Variants in TMEM131L observed in about 807,000 individuals in gnomAD.
The protein encoded by TMEM131L is transmembrane protein 131-like.
TMEM131L carries 54 observed loss-of-function variants against 192.2 expected under a neutral mutation model. The ratio of observed to expected loss-of-function variants is 0.28; its 90% CI spans 0.23 to 0.35. TMEM131L has a LOEUF of 0.35. TMEM131L is among the 10% of genes least tolerant of loss of function. The pLI, the probability that TMEM131L is intolerant of heterozygous loss-of-function variation, is 1.00. For missense variants in TMEM131L, 1,888 were observed against 1,972.9 expected (o/e 0.96, Z 0.82); for synonymous variants, 701 against 704.9 (o/e 0.99, Z 0.09).
At chr4:153,513,598 T>G (rs888740856) in intron 3 of TMEM131L, among the ~76,000 whole-genome samples, 2 of 152,220 alleles carry the variant, frequency 1.3e-5, no homozygotes, top group Non-Finnish European at 2.9e-5. Flanking sequence ...ACTAATAAAA[T>G]TGCTCTCCAT....
intron 3 of TMEM131L, among the ~76,000 whole-genome samples, chr4:153,487,367 G>A (rs559271482): frequency 2.6e-4 from 40 of 152,002 alleles, no homozygotes; most frequent in Admixed American, 1.1e-3. Context: ...CTGGTGGATC[G>A]AGTGTGTCCG....
At chr4:153,489,538 T>C (rs62324704) in intron 3 of TMEM131L, among the ~76,000 whole-genome samples, 18,027 of 152,184 alleles carry the variant, frequency 0.12, 1,457 homozygotes, top group East Asian at 0.24. Flanking sequence ...AGTGCGGTGG[T>C]ACGATCTCAG....
chr4:153,547,241 G>C (rs1436436365), intron 3 of TMEM131L, among the ~76,000 whole-genome samples: 1 of 152,150 alleles, frequency 6.6e-6, no homozygotes, highest in Non-Finnish European at 1.5e-5. Flanking sequence ...TATTACTCTA[G>C]GTTTGGCCCT....
chr4:153,624,704 G>T (rs1733705798), intron 29 of TMEM131L, among the ~76,000 whole-genome samples: 1 of 152,154 alleles, frequency 6.6e-6, no homozygotes, highest in African/African-American at 2.4e-5. Flanking sequence ...CAGTAGCTGA[G>T]TCTTGAACCC....
intron 7 of TMEM131L, among the ~76,000 whole-genome samples, chr4:153,567,691 C>T (rs751553360): frequency 2.0e-5 from 3 of 151,994 alleles, no homozygotes; most frequent in Non-Finnish European, 1.5e-5. Flanking sequence ...ATTACAGGCA[C>T]GCACCACCAC....
At position 153,473,979 on chromosome 4, in the gene TMEM131L, T is replaced by C. The variant is rs568198754; in HGVS notation, c.239+91T>C. 115 of 804,404 alleles carry C rather than the reference T, an allele frequency of 1.4e-4. 1 individual carries two copies. In the South Asian group the frequency reaches 1.8e-3, roughly 13 times the overall value. The allele number at this position is 804,404 out of a possible 1,614,324, so 49.8% of individuals were successfully genotyped here. A position where few individuals can be genotyped will look rare whatever the true frequency, so the allele number is the denominator to read the frequency against. The stretch of plus-strand genomic sequence containing the variant: ...AAGTCTCAGTATATGTCCATGTTTA[T>C]GTATTTAGTAGTATCTGTAATACAC... On this transcript the variant is annotated intron_variant, in intron 3 of 34. Transcript: ENST00000409959.
chr4:153,540,815 A>G (rs568529468), intron 3 of TMEM131L, among the ~76,000 whole-genome samples: 4 of 152,332 alleles, frequency 2.6e-5, no homozygotes, highest in Admixed American at 1.3e-4. Flanking sequence ...ACGGTAATGC[A>G]TGAGCTTGCA....
At chr4:153,562,041 ATT>A (rs754792062) in intron 7 of TMEM131L, among the ~76,000 whole-genome samples, 3 of 145,336 alleles carry the variant, frequency 2.1e-5, no homozygotes, top group African/African-American at 2.5e-5. Context: ...TAAATTTTAA[ATT>A]TTTTTTTTTT....
At chr4:153,623,410 C>T (rs529703248) in intron 29 of TMEM131L, among the ~76,000 whole-genome samples, 14 of 152,208 alleles carry the variant, frequency 9.2e-5, no homozygotes, top group Non-Finnish European at 1.8e-4. Context: ...TTCTATGGCA[C>T]TAAGTGCATC....
chr4:153,571,037 C>A (rs1263257619), intron 7 of TMEM131L, among the ~76,000 whole-genome samples: 1 of 151,506 alleles, frequency 6.6e-6, no homozygotes, highest in Non-Finnish European at 1.5e-5. Flanking sequence ...TTTTTTTTAA[C>A]TTTTTGGTCT....
chr4:153,486,964 A>G (rs1290616470), intron 3 of TMEM131L, among the ~76,000 whole-genome samples: 1 of 152,222 alleles, frequency 6.6e-6, no homozygotes, highest in Non-Finnish European at 1.5e-5. Flanking sequence ...GGTCTAGGGC[A>G]GTGTTTCTCG....
chr4:153,541,664 AG>A (rs1335814394), intron 3 of TMEM131L, among the ~76,000 whole-genome samples: 1 of 152,256 alleles, frequency 6.6e-6, no homozygotes, highest in Non-Finnish European at 1.5e-5. Context: ...GAAATGAATC[AG>A]TCAAACCACA....
At chr4:153,589,206 T>C (rs1730905364) in intron 16 of TMEM131L, among the ~76,000 whole-genome samples, 199 bp downstream of exon 16, 1 of 152,212 alleles carries the variant, frequency 6.6e-6, no homozygotes, top group Non-Finnish European at 1.5e-5. Context: ...TCATTCTTAC[T>C]GTAAATCTTA....
intron 3 of TMEM131L, among the ~76,000 whole-genome samples, chr4:153,543,093 T>G (rs1736916173): frequency 6.6e-6 from 1 of 152,208 alleles, no homozygotes; most frequent in Admixed American, 6.5e-5. Context: ...TTCCTCTCTT[T>G]TGGTTTAATA....
intron 17 of TMEM131L, among the ~76,000 whole-genome samples, chr4:153,591,596 T>C (rs1731071106): frequency 6.6e-6 from 1 of 152,138 alleles, no homozygotes; most frequent in Non-Finnish European, 1.5e-5. Context: ...TCGGTGCTTG[T>C]CTGTGCCTCT....
In TMEM131L at chr4:153,622,373, A is replaced by G. The variant is rs568502014; in HGVS notation, c.3859+524A>G. ...GTTGCAACCCTCCCAACCAACACCC[A>G]CTTTCTCCAGACGCATGCCCCATGT... On this transcript the variant is annotated intron_variant, in intron 28 of 34. Coordinates refer to ENST00000409959, the MANE Select transcript of TMEM131L (RefSeq NM_001131007.2). Among the ~76,000 whole-genome samples, 6 of 152,272 alleles carry G rather than the reference A, an allele frequency of 3.9e-5. No individual in the cohort carries two copies. In the East Asian group the frequency reaches 1.2e-3, roughly 29 times the overall value.
intron 25 of TMEM131L, 118 bp downstream of exon 25, chr4:153,604,548 T>C: frequency 1.9e-6 from 2 of 1,040,318 alleles, no homozygotes; most frequent in Middle Eastern, 4.2e-4. Context: ...TTAGCAAAGG[T>C]TTAAATATTG....
At position 153,583,209 on chromosome 4, in the gene TMEM131L, G is replaced by T; in HGVS notation, c.912G>T (p.Met304Ile). The T allele has an allele frequency of 6.9e-7, 1 of 1,454,124 alleles. No individual in the cohort carries two copies. The highest frequency in any genetic ancestry group is 9.7e-7 in the Non-Finnish European group (1 of 1,034,590). The allele number at this position is 1,454,124 out of a possible 1,614,324, so 90.1% of individuals were successfully genotyped here. Residue 304 changes from methionine (M) to isoleucine (I), a missense_variant, in exon 10 of 35, where the codon ATG (methionine) becomes ATT (isoleucine). Coordinates refer to ENST00000409959, the MANE Select transcript of TMEM131L (RefSeq NM_001131007.2). ...SETSDDSAVN[M>I]YILHSGNSLI... ...GGACAGATGATTCAGCAGTAAATAT[G>T]TATATATTACATTCAGGAAACAGCC...
intron 16 of TMEM131L, among the ~76,000 whole-genome samples, 168 bp from the exon 17 acceptor site, chr4:153,590,885 A>G (rs1425993257): frequency 5.9e-5 from 9 of 152,180 alleles, no homozygotes; most frequent in Admixed American, 4.6e-4. Flanking sequence ...TCTAGGATCA[A>G]TCTTGTACTT....
Sources: gnomAD v4.1 joint callset for allele counts (sites outside exome capture counted in the v4.1 genomes callset) on GRCh38, gnomAD v4.1.1 for gene constraint, MANE v1.5 for transcripts, NCBI Gene and HGNC (gene_info 2026-07-23, HGNC 2026-07-21) for gene names.